ARHGAP6: variants seen among roughly 807,000 people sequenced by gnomAD.
The protein encoded by ARHGAP6 is Rho GTPase activating protein 6, also known as rho GTPase-activating protein 6.
In ARHGAP6, 16 loss-of-function variants were observed where a neutral mutation model predicts 55.7. That is an observed-to-expected ratio of 0.29 (90% CI 0.19 to 0.44). The LOEUF is 0.44. Ranked by LOEUF, ARHGAP6 falls within the 20% of genes least tolerant of loss-of-function variation. The pLI, the probability that ARHGAP6 is intolerant of heterozygous loss-of-function variation, is 1.00. For missense variants in ARHGAP6, 698 were observed against 808.9 expected, an observed-to-expected ratio of 0.86 and a Z score of 1.66; for synonymous variants, 382 against 360.9, an observed-to-expected ratio of 1.06 and a Z score of -0.66.
chrX:11,625,386 C>T (rs1400694128), intron 1 of ARHGAP6, among the ~76,000 whole-genome samples: 1 of 110,488 alleles, frequency 9.1e-6, no homozygotes, highest in Non-Finnish European at 1.9e-5. Flanking sequence ...AATCTTGTCA[C>T]TTGAAGCAAT....
intron 1 of ARHGAP6, chrX:11,334,196 GA>G: frequency 7.3e-6 from 1 of 137,059 alleles, no homozygotes. Flanking sequence ...GCTGAAGACA[GA>G]AAAGTTGTAC....
At chrX:11,320,548 A>T (rs2048419041) in intron 1 of ARHGAP6, among the ~76,000 whole-genome samples, 1 of 110,924 alleles carries the variant, frequency 9.0e-6, no homozygotes, top group Non-Finnish European at 1.9e-5. Flanking sequence ...AGCAAAGACA[A>T]TCTGGAGCCA....
chrX:11,294,926 G>A (rs2048056179), intron 1 of ARHGAP6: 1 of 1,011,418 alleles, frequency 9.9e-7, no homozygotes, highest in African/African-American at 1.9e-5. Flanking sequence ...GTGAAATTAG[G>A]GTTTAAAACA....
intron 1 of ARHGAP6, among the ~76,000 whole-genome samples, chrX:11,611,841 G>T (rs113686940): frequency 0.03 from 3,244 of 109,329 alleles, 66 homozygotes; most frequent in Middle Eastern, 0.074. Context: ...GTGCTCAGGG[G>T]CACCAGACAA....
intron 1 of ARHGAP6, among the ~76,000 whole-genome samples, chrX:11,615,658 G>C (rs949520233): frequency 5.4e-5 from 6 of 111,881 alleles, no homozygotes; most frequent in African/African-American, 3.2e-5. Flanking sequence ...ATTATAAATA[G>C]GGCATTAAAA....
intron 1 of ARHGAP6, among the ~76,000 whole-genome samples, chrX:11,506,639 T>C (rs2050735861): frequency 1.8e-5 from 2 of 112,240 alleles, no homozygotes; most frequent in Admixed American, 9.4e-5. Context: ...TAGTCTATCA[T>C]TGATGGACAT....
In ARHGAP6 at chrX:11,351,951, T is replaced by C. The variant is rs368095755; in HGVS notation, c.589-97244A>G. Among the ~76,000 whole-genome samples the C allele has an allele frequency of 8.9e-5, 10 of 112,621 alleles. No individual in the cohort carries two copies. The South Asian group carries it at 3.7e-3, about 42-fold the overall frequency. ...CTTCTGGAAATACTTGAGTGATCAT[T>C]GGAGTCAACTCTTACACAGAGAAAC... On this transcript the variant is annotated intron_variant, in intron 1 of 12. Coordinates refer to ENST00000337414, the MANE Select transcript of ARHGAP6 (RefSeq NM_013427.3).
At chrX:11,528,588 A>G (rs371666874) in intron 1 of ARHGAP6, among the ~76,000 whole-genome samples, 6 of 112,204 alleles carry the variant, frequency 5.3e-5, no homozygotes, top group African/African-American at 1.9e-4. Flanking sequence ...TTATCAATGC[A>G]GATTCTTTGA....
chrX:11,351,514 G>T, intron 1 of ARHGAP6: 1 of 922,266 alleles, frequency 1.1e-6, no homozygotes, highest in Non-Finnish European at 1.4e-6. Context: ...GCTGGATAGT[G>T]GCGTTGGAAG....
At chrX:11,229,743 C>A (rs1255671262) in intron 2 of ARHGAP6, among the ~76,000 whole-genome samples, 1 of 111,854 alleles carries the variant, frequency 8.9e-6, no homozygotes, top group Admixed American at 9.5e-5. Flanking sequence ...TTGTTCAGAA[C>A]ACAATACCCT....
At chrX:11,320,388 C>T (rs1219539365) in intron 1 of ARHGAP6, among the ~76,000 whole-genome samples, 1 of 111,695 alleles carries the variant, frequency 9.0e-6, no homozygotes, top group Middle Eastern at 4.2e-3. Flanking sequence ...TAAACAACTG[C>T]AGGGTTGAGA....
chrX:11,254,531 G>C lies in ARHGAP6; in HGVS notation c.748+17C>G. 1.0e-5 allele frequency: 12 copies of C among 1,204,267 alleles called. No homozygotes were observed. The highest frequency in any genetic ancestry group is 1.3e-5 in the Non-Finnish European group (12 of 891,978). On this transcript the variant is annotated intron_variant, in intron 2 of 12. Transcript: ENST00000337414. ...GACTTGCAGTGTTCCCCGGCAGAAA[G>C]GCAGAAGAGGCCTTACCTTTGGGAA...
intron 1 of ARHGAP6, among the ~76,000 whole-genome samples, chrX:11,649,241 T>G (rs2052560637): frequency 9.0e-6 from 1 of 111,472 alleles, no homozygotes; most frequent in Non-Finnish European, 1.9e-5. Flanking sequence ...CACATGTGAA[T>G]GAAGACACCT....
chrX:11,394,780 T>A (rs767045334), intron 1 of ARHGAP6, among the ~76,000 whole-genome samples: 1 of 100,058 alleles, frequency 1.0e-5, no homozygotes, highest in African/African-American at 3.7e-5. Context: ...GTGGTTAATA[T>A]AGAAACAGCC....
chrX:11,235,914 C>G (rs2047193934), intron 2 of ARHGAP6, among the ~76,000 whole-genome samples: 1 of 111,669 alleles, frequency 9.0e-6, no homozygotes, highest in Non-Finnish European at 1.9e-5. Context: ...GTTTCTGAGC[C>G]CTCTGTCTCT....
chrX:11,616,214 C>T (rs768727364), intron 1 of ARHGAP6, among the ~76,000 whole-genome samples: 24 of 111,443 alleles, frequency 2.2e-4, no homozygotes, highest in Non-Finnish European at 4.1e-4. Flanking sequence ...CTCCTTTGAC[C>T]CTCTCCAAAA....
intron 1 of ARHGAP6, among the ~76,000 whole-genome samples, chrX:11,321,878 G>A (rs983735041): frequency 3.6e-5 from 4 of 111,819 alleles, no homozygotes; most frequent in Non-Finnish European, 7.5e-5. Context: ...AAAAAGAAAC[G>A]GATCATAAAT....
At chrX:11,236,999 A>G (rs2047211816) in intron 2 of ARHGAP6, among the ~76,000 whole-genome samples, 1 of 112,196 alleles carries the variant, frequency 8.9e-6, no homozygotes, top group South Asian at 3.7e-4. Flanking sequence ...ATGCATTTAG[A>G]CTCTGCCCTC....
At chrX:11,359,950 A>C (rs1196823426) in intron 1 of ARHGAP6, among the ~76,000 whole-genome samples, 2 of 111,744 alleles carry the variant, frequency 1.8e-5, no homozygotes, top group East Asian at 5.6e-4. Context: ...CCCAAGACTA[A>C]ACCAGGAAGA....
Sources: gnomAD v4.1 joint callset for allele counts (sites outside exome capture counted in the v4.1 genomes callset) on GRCh38, gnomAD v4.1.1 for gene constraint, MANE v1.5 for transcripts, NCBI Gene and HGNC (gene_info 2026-07-23, HGNC 2026-07-21) for gene names.